FBXW7: variants seen among roughly 807,000 people sequenced by gnomAD.
FBXW7 encodes F-box and WD repeat domain containing 7.
FBXW7 carries 11 observed loss-of-function variants against 86.3 expected under a neutral mutation model. The ratio of observed to expected loss-of-function variants is 0.13; its 90% CI spans 0.08 to 0.21. The LOEUF is 0.21. Among genes scored for constraint, FBXW7 ranks in the 10% least tolerant of loss-of-function variants. FBXW7 has a pLI of 1.00. For missense variants in FBXW7, 488 were observed against 847.4 expected, an observed-to-expected ratio of 0.58 and a Z score of 5.27; for synonymous variants, 313 against 297.9, an observed-to-expected ratio of 1.05 and a Z score of -0.52.
chr4:152,534,578 A>C (rs1449249973), intron 2 of FBXW7, among the ~76,000 whole-genome samples: 1 of 152,144 alleles, frequency 6.6e-6, no homozygotes, highest in Non-Finnish European at 1.5e-5. Context: ...CCCCGAAACA[A>C]AAAGTACACC....
intron 4 of FBXW7, among the ~76,000 whole-genome samples, chr4:152,386,736 G>A (rs1287985558): frequency 1.3e-5 from 2 of 152,016 alleles, no homozygotes; most frequent in Non-Finnish European, 2.9e-5. Context: ...AAACATTAGG[G>A]AACTTGTAGT....
intron 4 of FBXW7, among the ~76,000 whole-genome samples, chr4:152,356,194 T>G (rs1732371189): frequency 6.6e-6 from 1 of 152,046 alleles, no homozygotes; most frequent in African/African-American, 2.4e-5. Flanking sequence ...CCCTATCTCC[T>G]CCCTAAAGAT....
chr4:152,338,091 TGAA>T, intron 6 of FBXW7, 155 bp from the exon 7 acceptor site: 1 of 466,354 alleles, frequency 2.1e-6, no homozygotes, highest in Non-Finnish European at 3.5e-6. Flanking sequence ...CACAAGGCAT[TGAA>T]GAAGGCATTT....
At chr4:152,407,923 T>G (rs1737570397) in intron 4 of FBXW7, among the ~76,000 whole-genome samples, 1 of 152,190 alleles carries the variant, frequency 6.6e-6, no homozygotes, top group Non-Finnish European at 1.5e-5. Context: ...CAGGCTGGTC[T>G]CAAGCAATCT....
rs1252391898 is a variant in FBXW7, at chr4:152,524,025, C to T, written c.-120+10916G>A. Among the ~76,000 whole-genome samples, 3 of 152,298 alleles carry T rather than the reference C, an allele frequency of 2.0e-5. No homozygotes were observed. The South Asian group carries it at 6.2e-4, about 32-fold the overall frequency. ...TCAGCATTCAGAAAACCAGCACCCT[C>T]ACAGAAATAACAATAACTTAATACT... On this transcript the variant is annotated intron_variant, in intron 2 of 13. Coordinates refer to ENST00000281708, the MANE Select transcript of FBXW7 (RefSeq NM_001349798.2).
At chr4:152,462,305 G>C (rs1304580523) in intron 2 of FBXW7, among the ~76,000 whole-genome samples, 1 of 152,200 alleles carries the variant, frequency 6.6e-6, no homozygotes. Flanking sequence ...CACGCAAATT[G>C]CATGCAAGTT....
At chr4:152,485,663 T>G (rs1346389020) in intron 2 of FBXW7, among the ~76,000 whole-genome samples, 1 of 152,176 alleles carries the variant, frequency 6.6e-6, no homozygotes, top group Admixed American at 6.5e-5. Flanking sequence ...GATGTTGGCT[T>G]CCAAATACCA....
chr4:152,421,315 T>C (rs1738919175), intron 2 of FBXW7, among the ~76,000 whole-genome samples: 1 of 152,198 alleles, frequency 6.6e-6, no homozygotes, highest in African/African-American at 2.4e-5. Context: ...TGATCTTCTA[T>C]CCAGACACTA....
At chr4:152,416,618 T>C (rs1235741411) in intron 2 of FBXW7, among the ~76,000 whole-genome samples, 1 of 152,166 alleles carries the variant, frequency 6.6e-6, no homozygotes, top group Non-Finnish European at 1.5e-5. Flanking sequence ...AAAAGCTCCT[T>C]AGTAATGTAC....
chr4:152,337,138 C>A (rs1730214048), intron 7 of FBXW7, among the ~76,000 whole-genome samples: 1 of 151,802 alleles, frequency 6.6e-6, no homozygotes, highest in Non-Finnish European at 1.5e-5. Flanking sequence ...CCCATATAAT[C>A]AGTCTATGAT....
chr4:152,403,701 T>C (rs192051040), intron 4 of FBXW7, among the ~76,000 whole-genome samples: 1 of 152,108 alleles, frequency 6.6e-6, no homozygotes, highest in East Asian at 1.9e-4. Flanking sequence ...GTGCTCCTAT[T>C]AGAATCTAAT....
intron 2 of FBXW7, among the ~76,000 whole-genome samples, chr4:152,448,185 G>C (rs1229387217): frequency 6.6e-6 from 1 of 152,196 alleles, no homozygotes; most frequent in Admixed American, 6.5e-5. Context: ...ACATCCATTA[G>C]AGTGCTCCAC....
Position 152,369,047 on chromosome 4 carries a change from A to T in FBXW7, c.502-18923T>A, listed in dbSNP as rs147573982. On this transcript the variant is annotated intron_variant, in intron 4 of 13. Coordinates refer to ENST00000281708, the MANE Select transcript of FBXW7 (RefSeq NM_001349798.2). ...AACTGTTTAAGAAAAATTATTCAAA[A>T]TTTATGCTGTGCATCTTCTTTTACC... 2.1e-4 allele frequency among the ~76,000 whole-genome samples: 32 copies of T among 152,226 alleles called. 1 individual carries two copies. In the East Asian group the frequency reaches 4.8e-3, roughly 23 times the overall value.
chr4:152,534,022 T>G (rs1415850238), intron 2 of FBXW7, among the ~76,000 whole-genome samples: 1 of 152,222 alleles, frequency 6.6e-6, no homozygotes. Flanking sequence ...TGTTTAACCC[T>G]TAAGGTCTGT....
intron 11 of FBXW7, among the ~76,000 whole-genome samples, chr4:152,327,521 T>C (rs893330558): frequency 6.6e-6 from 1 of 151,928 alleles, no homozygotes; most frequent in Admixed American, 6.6e-5. Flanking sequence ...CAGGAGGAGA[T>C]AAAAGCAACA....
chr4:152,338,824 G>A (rs905975455), intron 6 of FBXW7, among the ~76,000 whole-genome samples: 2 of 152,068 alleles, frequency 1.3e-5, no homozygotes, highest in Admixed American at 6.5e-5. Flanking sequence ...CTTTGTTTCT[G>A]CAAATCTATA....
At chr4:152,476,925 T>C (rs924844755) in intron 2 of FBXW7, among the ~76,000 whole-genome samples, 2 of 152,136 alleles carry the variant, frequency 1.3e-5, no homozygotes, top group Non-Finnish European at 2.9e-5. Context: ...TACTTCCTAT[T>C]ATACACTACT....
At chr4:152,450,072 TC>T (rs1345398347) in intron 2 of FBXW7, among the ~76,000 whole-genome samples, 5 of 152,202 alleles carry the variant, frequency 3.3e-5, no homozygotes, top group Non-Finnish European at 7.4e-5. Flanking sequence ...CTCAATTTCT[TC>T]CCTGGTTTAA....
intron 2 of FBXW7, among the ~76,000 whole-genome samples, chr4:152,484,861 C>A (rs1745207331): frequency 6.6e-6 from 1 of 151,160 alleles, no homozygotes; most frequent in Non-Finnish European, 1.5e-5. Context: ...ACTTGGGAAG[C>A]TGAGGCAGGA....
Sources: allele counts gnomAD v4.1 joint callset (sites outside exome capture counted in the v4.1 genomes callset), GRCh38; gene constraint gnomAD v4.1.1; transcripts MANE v1.5; gene names NCBI Gene and HGNC (gene_info 2026-07-23, HGNC 2026-07-21).